PHF14: variants seen among roughly 807,000 people sequenced by gnomAD.
PHF14 encodes PHD finger protein 14.
Under a neutral mutation model 117.9 loss-of-function variants are expected in PHF14, and 55 were observed. The ratio of observed to expected loss-of-function variants is 0.47; its 90% confidence interval spans 0.38 to 0.58. The LOEUF is 0.58. Among genes scored for constraint, PHF14 ranks in the 20% least tolerant of loss-of-function variants. The pLI is 0.00. For synonymous variants in PHF14, 409 were observed against 368.6 expected, an observed-to-expected ratio of 1.11 and a Z score of -1.26; for missense variants, 978 against 1,122.2, an observed-to-expected ratio of 0.87 and a Z score of 1.84.
At chr7:11,168,698 G>A (rs1789281534) in intron 17 of PHF14, among the ~76,000 whole-genome samples, 1 of 152,136 alleles carries the variant, frequency 6.6e-6, no homozygotes, top group Non-Finnish European at 1.5e-5. Flanking sequence ...TGGGTGTGTT[G>A]AAAGAACATG....
At chr7:11,028,048 C>CT (rs1783984905) in intron 6 of PHF14, among the ~76,000 whole-genome samples, 5 of 152,018 alleles carry the variant, frequency 3.3e-5, no homozygotes, top group Non-Finnish European at 7.4e-5. Context: ...GGTTTACATC[C>CT]TGATAAATCC....
chr7:11,079,223 A>G (rs1229478139), intron 16 of PHF14, among the ~76,000 whole-genome samples: 1 of 152,152 alleles, frequency 6.6e-6, no homozygotes, highest in African/African-American at 2.4e-5. Context: ...GACTGACCTC[A>G]TGTATTATTA....
At position 11,067,179 on chromosome 7, in the gene PHF14, T is replaced by C. The variant is rs541544320; in HGVS notation, c.2654+5094T>C. Among the ~76,000 whole-genome samples, 9 of 152,196 alleles carry C rather than the reference T, an allele frequency of 5.9e-5. No individual in the cohort carries two copies. The East Asian group carries it at 9.7e-4, about 16-fold the overall frequency. ...TGAAAATATTTCTCCAAAGAAGATATACAGTAGCCAACAAGCATATGAAAA... is the reference window on the plus strand; with the variant it reads ...TGAAAATATTTCTCCAAAGAAGATACACAGTAGCCAACAAGCATATGAAAA... On this transcript the variant is annotated intron_variant, in intron 16 of 17. Coordinates refer to ENST00000634607, the MANE Select transcript of PHF14 (RefSeq NM_001007157.2).
intron 16 of PHF14, among the ~76,000 whole-genome samples, chr7:11,096,230 C>G (rs1786858261): frequency 6.6e-6 from 1 of 152,002 alleles, no homozygotes; most frequent in Non-Finnish European, 1.5e-5. Flanking sequence ...TAGGGCCATC[C>G]ATGTATTTTG....
At chr7:11,007,646 A>G (rs894789526) in intron 4 of PHF14, among the ~76,000 whole-genome samples, 2 of 152,212 alleles carry the variant, frequency 1.3e-5, no homozygotes, top group Admixed American at 1.3e-4. Context: ...TACTTTATTT[A>G]GAGAAAACTA....
rs561844794 is a variant in PHF14 at position 11,143,623 on chromosome 7, C to T, written c.2773-25793C>T. On this transcript the variant is annotated intron_variant, in intron 17 of 17. Coordinates refer to ENST00000634607, the MANE Select transcript of PHF14 (RefSeq NM_001007157.2). ...TCATGACCTACCTTCGAGAGATTAC[C>T]GCTGCTTGCATATTGGTGTATGTTT... Among the ~76,000 whole-genome samples the T allele has an allele frequency of 2.4e-4, 37 of 152,018 alleles. No individual in the cohort carries two copies. In the South Asian group the frequency reaches 6.5e-3, roughly 27 times the overall value.
chr7:11,121,535 A>G (rs1787752846), intron 17 of PHF14, among the ~76,000 whole-genome samples: 1 of 152,072 alleles, frequency 6.6e-6, no homozygotes, highest in Non-Finnish European at 1.5e-5. Flanking sequence ...TTTCCTAGAC[A>G]TGTCTTTTCA....
At chr7:11,100,164 T>A (rs987823183) in intron 16 of PHF14, among the ~76,000 whole-genome samples, 7 of 152,104 alleles carry the variant, frequency 4.6e-5, no homozygotes, top group African/African-American at 1.7e-4. Context: ...TGATTTTATA[T>A]TTCTTTGGAC....
chr7:11,161,808 G>A (rs930484123), intron 17 of PHF14, among the ~76,000 whole-genome samples: 3 of 136,148 alleles, frequency 2.2e-5, no homozygotes, highest in Non-Finnish European at 3.2e-5. Flanking sequence ...TTTCAAAAGC[G>A]GGTAATAACT....
At chr7:11,070,294 T>TGTA (rs1310980986) in intron 16 of PHF14, among the ~76,000 whole-genome samples, 2 of 152,168 alleles carry the variant, frequency 1.3e-5, no homozygotes, top group Non-Finnish European at 2.9e-5. Context: ...CCCAGGCTGG[T>TGTA]GTAGAACTTG....
Position 11,040,180 on chromosome 7 carries a change from T to C in PHF14, c.2077-492T>C, listed in dbSNP as rs181125563. ...CCACCAGGCCACTGAGAAATGACTT[T>C]GATAGATGGTTGCTGTCTGAGAAGC... is the stretch of plus-strand genomic sequence containing the variant. On this transcript the variant is annotated intron_variant, in intron 11 of 17. Transcript: ENST00000634607. Among the ~76,000 whole-genome samples the C allele has an allele frequency of 6.4e-4, 97 of 152,200 alleles. 1 individual carries two copies. In the South Asian group the frequency reaches 0.012, roughly 19 times the overall value.
At chr7:11,158,384 A>G (rs970971142) in intron 17 of PHF14, among the ~76,000 whole-genome samples, 3 of 152,148 alleles carry the variant, frequency 2.0e-5, no homozygotes, top group Non-Finnish European at 2.9e-5. Flanking sequence ...AGGCTACCAT[A>G]GATCATAGGT....
intron 4 of PHF14, among the ~76,000 whole-genome samples, chr7:11,010,409 T>C (rs1473578614): frequency 6.6e-6 from 1 of 152,044 alleles, no homozygotes; most frequent in Admixed American, 6.6e-5. Flanking sequence ...TTTGATTCCT[T>C]TGCTTATCTT....
intron 16 of PHF14, chr7:11,105,695 A>G: frequency 2.0e-6 from 2 of 984,490 alleles, no homozygotes; most frequent in Non-Finnish European, 2.4e-6. Context: ...CTTTGCAAAT[A>G]TTTCTCTATA....
At chr7:11,098,721 T>C (rs1786970723) in intron 16 of PHF14, among the ~76,000 whole-genome samples, 1 of 152,182 alleles carries the variant, frequency 6.6e-6, no homozygotes, top group Non-Finnish European at 1.5e-5. Flanking sequence ...TCTTGGACAT[T>C]TACTGAACAA....
At chr7:11,071,218 A>G (rs1444895827) in intron 16 of PHF14, 2 of 515,152 alleles carry the variant, frequency 3.9e-6, no homozygotes, top group East Asian at 5.5e-5. Context: ...ACCTCTCTGA[A>G]GCCTAGTACA....
chr7:11,051,303 A>G (rs891441296), intron 13 of PHF14, among the ~76,000 whole-genome samples: 6 of 152,022 alleles, frequency 3.9e-5, no homozygotes, highest in African/African-American at 1.4e-4. Context: ...GGAGTGAGCC[A>G]CTGCAGCTGG....
intron 17 of PHF14, among the ~76,000 whole-genome samples, chr7:11,112,248 T>TTA (rs1787470666): frequency 1.3e-5 from 2 of 152,220 alleles, no homozygotes; most frequent in South Asian, 4.1e-4. Context: ...CTGTCTGTTG[T>TTA]ATTATGGACA....
intron 16 of PHF14, among the ~76,000 whole-genome samples, chr7:11,088,938 G>C (rs1205960416): frequency 6.6e-6 from 1 of 152,030 alleles, no homozygotes; most frequent in Admixed American, 6.5e-5. Context: ...CTAAAGATTA[G>C]AAGGGAACAA....
Sources: gnomAD v4.1 joint callset for allele counts (sites outside exome capture counted in the v4.1 genomes callset) on GRCh38, gnomAD v4.1.1 for gene constraint, MANE v1.5 for transcripts, NCBI Gene and HGNC (gene_info 2026-07-23, HGNC 2026-07-21) for gene names.